Variants in RBM33 observed in about 807,000 individuals in gnomAD.
RBM33 encodes RNA-binding protein 33.
RBM33 carries 28 observed loss-of-function variants against 132.6 expected under a neutral mutation model. That is an observed-to-expected ratio of 0.21 (90% CI 0.16 to 0.29). The LOEUF is 0.29. Among genes scored for constraint, RBM33 ranks in the 10% least tolerant of loss-of-function variants. The pLI, the probability that RBM33 is intolerant of heterozygous loss-of-function variation, is 1.00. For missense variants in RBM33, 1,291 were observed against 1,518.5 expected (o/e 0.85, Z 2.49); for synonymous variants, 634 against 593.0 (o/e 1.07, Z -1.01).
At position 155,680,607 on chromosome 7, in the gene RBM33, T is replaced by G; in HGVS notation, c.266T>G (p.Ile89Ser). ...CTCTCTAGTTCTCAGGGTGTTACAA[T>G]TAGTCTGAATGCTACATCTGGCATG... ...EENFSSQGVT[I>S]SLNATSGMVT... The change falls in exon 5 of 18, where the codon ATT (isoleucine) becomes AGT (serine). Residue 89 changes from isoleucine to serine, a missense_variant. By Grantham distance (142) the Ile-to-Ser change is moderately radical. This residue lies in a region of RBM33 where 194 missense variants were observed against 249.8 expected (regional missense o/e 0.78). Transcript: ENST00000401878. 9 of 1,599,104 alleles carry G rather than the reference T, an allele frequency of 5.6e-6. No individual in the cohort carries two copies. Among genetic ancestry groups the G allele is most frequent in the Non-Finnish European group, 7.7e-6 (9 of 1,174,318 alleles).
chr7:155,713,278 G>T (rs1312568614), intron 8 of RBM33, among the ~76,000 whole-genome samples: 4 of 152,130 alleles, frequency 2.6e-5, no homozygotes, highest in Non-Finnish European at 1.5e-5. Flanking sequence ...CAGTATAGGG[G>T]TTTGGGCTCA....
rs1799443212 is a variant in RBM33 at position 155,685,191 on chromosome 7, T to C, written c.567+4283T>C. Reference sequence around the variant, plus strand: ...TGTATAGTGAAAAACTTGAACTTTCTAGGCTCCTTGGGAAGTGAGTTCTGG... The same window carrying C: ...TGTATAGTGAAAAACTTGAACTTTCCAGGCTCCTTGGGAAGTGAGTTCTGG... On this transcript the variant is annotated intron_variant, in intron 5 of 17. Coordinates refer to ENST00000401878, the MANE Select transcript of RBM33 (RefSeq NM_053043.3). 5 of 852,812 alleles carry C rather than the reference T, an allele frequency of 5.9e-6. No homozygotes were observed. In the South Asian group the frequency reaches 9.2e-5, roughly 16 times the overall value. The allele number at this position is 852,812 out of a possible 1,614,324, so 52.8% of individuals were successfully genotyped here.
intron 14 of RBM33, among the ~76,000 whole-genome samples, chr7:155,748,941 C>A (rs1215052419): frequency 6.6e-6 from 1 of 151,962 alleles, no homozygotes; most frequent in Non-Finnish European, 1.5e-5. Flanking sequence ...GTTGGCATTG[C>A]GTTTTGCCGT....
At chr7:155,755,405 G>A (rs1459982998) in intron 14 of RBM33, among the ~76,000 whole-genome samples, 1 of 152,238 alleles carries the variant, frequency 6.6e-6, no homozygotes, top group African/African-American at 2.4e-5. Flanking sequence ...TAATCTTTTA[G>A]AGGTTTTCAT....
rs1443348811 is a variant in RBM33, at chr7:155,778,148, A to AC, written c.*3110dup. 6.6e-6 allele frequency: 1 copy of AC among 152,602 alleles called. No homozygotes were observed. The highest frequency in any genetic ancestry group is 1.5e-5 in the Non-Finnish European group (1 of 68,028). The allele number at this position is 152,602 out of a possible 1,614,324, so 9.5% of individuals were successfully genotyped here. A position where few individuals can be genotyped will look rare whatever the true frequency, so the allele number is the denominator to read the frequency against. ...TGGACAGGCAGCAGCCTCCGTAGGC[A>AC]CCCGCACCCTGCCTTGCTGGAGGAG... On this transcript the variant is annotated 3_prime_UTR_variant, in exon 18 of 18. Transcript: ENST00000401878. The surrounding 1 kb of genome is among the most constrained non-coding windows in gnomAD (Gnocchi z 4.0).
Position 155,763,949 on chromosome 7 carries a change from G to C in RBM33, c.3117G>C (p.Ala1039=), listed in dbSNP as rs763062756. Residue 1039 remains alanine, a synonymous_variant, in exon 15 of 18, where the codon GCG becomes GCC. Transcript: ENST00000401878. ...TCCAGCAGCCCCCACATCTGCCAGC[G>C]GGGCCCCACGCACACTCGCCTGTCC... ...GGLQQPPHLP[A]GPHAHSPVPP... 2.5e-6 allele frequency: 4 copies of C among 1,599,254 alleles called. No homozygotes were observed. Among genetic ancestry groups the C allele is most frequent in the South Asian group, 2.3e-5 (2 of 88,584 alleles).
At chr7:155,645,368 A>G (rs1389746649) in intron 1 of RBM33, among the ~76,000 whole-genome samples, 1 of 152,264 alleles carries the variant, frequency 6.6e-6, no homozygotes. Context: ...CATTACAAAA[A>G]CATAACGAAA....
At chr7:155,678,149 GTCTCA>G (rs1423967903) in intron 3 of RBM33, among the ~76,000 whole-genome samples, 1 of 85,304 alleles carries the variant, frequency 1.2e-5, no homozygotes, top group Non-Finnish European at 3.1e-5. Flanking sequence ...AAGTTTTATA[GTCTCA>G]TTTCAATTTA....
chr7:155,725,511 A>G (rs1309321816), intron 9 of RBM33, among the ~76,000 whole-genome samples: 1 of 152,124 alleles, frequency 6.6e-6, no homozygotes, highest in African/African-American at 2.4e-5. Flanking sequence ...TGAGAAAAAA[A>G]CATAGAATCT....
intron 6 of RBM33, chr7:155,701,229 G>A: frequency 2.0e-6 from 1 of 496,202 alleles, no homozygotes; most frequent in South Asian, 3.2e-5. Flanking sequence ...TACATGCTGT[G>A]GTTCCTGGCT....
chr7:155,666,366 C>T (rs1420085660), intron 2 of RBM33, among the ~76,000 whole-genome samples: 1 of 152,154 alleles, frequency 6.6e-6, no homozygotes, highest in Non-Finnish European at 1.5e-5. Flanking sequence ...AATGTCTGCC[C>T]ACATTGGTGA....
chr7:155,761,010 A>C lies in RBM33; in HGVS notation c.2980-2802A>C, dbSNP rs184885914. ...ATGATAATTCAAATGGTAGAGTCAT[A>C]GAGCGTTAGGTGGGAGAACCCATCT... On this transcript the variant is annotated intron_variant, in intron 14 of 17. Coordinates refer to ENST00000401878, the MANE Select transcript of RBM33 (RefSeq NM_053043.3). Among the ~76,000 whole-genome samples the C allele has an allele frequency of 1.4e-3, 216 of 152,368 alleles. 4 individuals are homozygous for C. Among genetic ancestry groups the C allele is most frequent in the African/African-American group, 4.9e-3 (205 of 41,598 alleles).
intron 5 of RBM33, among the ~76,000 whole-genome samples, chr7:155,699,434 G>GA (rs1799895521): frequency 1.3e-5 from 2 of 152,212 alleles, no homozygotes; most frequent in South Asian, 4.1e-4. Flanking sequence ...ACGTCCTAAG[G>GA]AAGCTGGCTT....
intron 1 of RBM33, among the ~76,000 whole-genome samples, chr7:155,651,454 T>G (rs1038963336): frequency 1.3e-5 from 2 of 152,010 alleles, no homozygotes; most frequent in African/African-American, 4.8e-5. Flanking sequence ...CCTCTTTGTT[T>G]GACATTTCAT....
chr7:155,653,189 C>T (rs1459567414), intron 1 of RBM33, among the ~76,000 whole-genome samples: 1 of 151,992 alleles, frequency 6.6e-6, no homozygotes, highest in African/African-American at 2.4e-5. Context: ...CTTCAAGTGC[C>T]TGCTTTCAGT....
At chr7:155,742,586 C>T (rs1344987382) in intron 13 of RBM33, among the ~76,000 whole-genome samples, 3 of 152,160 alleles carry the variant, frequency 2.0e-5, no homozygotes, top group Admixed American at 6.5e-5. Flanking sequence ...TGGTGAATCC[C>T]GTAGGTTTCT....
At chr7:155,662,852 C>A (rs1798691744) in intron 1 of RBM33, among the ~76,000 whole-genome samples, 1 of 152,130 alleles carries the variant, frequency 6.6e-6, no homozygotes, top group Admixed American at 6.5e-5. Flanking sequence ...TGTCCTCCAG[C>A]TGGGAGCTGA....
At position 155,774,434 on chromosome 7, in the gene RBM33, T is replaced by C; in HGVS notation, c.3376-125T>C. The stretch of plus-strand genomic sequence containing the variant: ...CCAGGGAGCTAGAAAGGAAAATCAA[T>C]TAGTGTGTTCCAAATGTCCGCCTGG... On this transcript the variant is annotated intron_variant, in intron 16 of 17. Coordinates refer to ENST00000401878, the MANE Select transcript of RBM33 (RefSeq NM_053043.3). The surrounding 1 kb of genome is among the most constrained non-coding windows in gnomAD (Gnocchi z 4.2). 1.5e-6 allele frequency: 1 copy of C among 659,584 alleles called. No homozygotes were observed. Among genetic ancestry groups the C allele is most frequent in the Non-Finnish European group, 2.6e-6 (1 of 385,308 alleles). The allele number at this position is 659,584 out of a possible 1,614,324, so 40.9% of individuals were successfully genotyped here.
In RBM33 at chr7:155,648,169, C is replaced by T. The variant is rs567451792; in HGVS notation, c.43+3250C>T. On this transcript the variant is annotated intron_variant, in intron 1 of 17. Coordinates refer to ENST00000401878, the MANE Select transcript of RBM33 (RefSeq NM_053043.3). ...TAGAATAATGAACCCACATACCCAT[C>T]ACCTAGCATCAACATTCTGGCAATC... 1.7e-3 allele frequency among the ~76,000 whole-genome samples: 262 copies of T among 152,294 alleles called. 3 individuals carry two copies. Among genetic ancestry groups the T allele is most frequent in the Middle Eastern group, 3.4e-3 (1 of 294 alleles).
Sources: allele counts gnomAD v4.1 joint callset (sites outside exome capture counted in the v4.1 genomes callset), GRCh38; gene constraint gnomAD v4.1.1; regional missense constraint gnomAD v4.1.1; non-coding constraint Gnocchi (gnomAD v3.1); transcripts MANE v1.5; gene names NCBI Gene and HGNC (gene_info 2026-07-23, HGNC 2026-07-21).